Variants in MMP26 observed in about 807,000 individuals in gnomAD.
MMP26 encodes the protein matrix metalloproteinase-26.
MMP26 carries 33 observed loss-of-function variants against 31.0 expected under a neutral mutation model. The ratio of observed to expected loss-of-function variants is 1.06; its 90% CI spans 0.81 to 1.42. The LOEUF (loss-of-function observed/expected upper bound fraction) is 1.42, where lower values mean the gene tolerates loss of function less well. Ranked by LOEUF, MMP26 falls within the 40% of genes most tolerant of loss-of-function variation. The pLI, the probability that MMP26 is intolerant of heterozygous loss-of-function variation, is 0.00. For synonymous variants in MMP26, 122 were observed against 114.9 expected (o/e 1.06, Z -0.40); for missense variants, 347 against 316.1 (o/e 1.10, Z -0.74).
intron 2 of MMP26, among the ~76,000 whole-genome samples, chr11:4,790,080 G>A (rs758120743): frequency 5.3e-5 from 8 of 152,018 alleles, no homozygotes; most frequent in Non-Finnish European, 7.4e-5. Context: ...GGTAGCTCAC[G>A]CCTGTAATCC....
intron 2 of MMP26, chr11:4,923,832 A>C (rs1047402995): frequency 6.2e-7 from 1 of 1,613,972 alleles, no homozygotes; most frequent in African/African-American, 1.3e-5. Flanking sequence ...GAGTGGCAGT[A>C]TTGGAAGCGC....
intron 2 of MMP26, among the ~76,000 whole-genome samples, chr11:4,958,727 G>A (rs1315895883): frequency 6.6e-6 from 1 of 152,030 alleles, no homozygotes; most frequent in Non-Finnish European, 1.5e-5. Flanking sequence ...TGCTATTCCT[G>A]TAGTTACGCC....
At chr11:4,792,778 G>A (rs1849047411) in intron 2 of MMP26, among the ~76,000 whole-genome samples, 1 of 152,172 alleles carries the variant, frequency 6.6e-6, no homozygotes, top group Non-Finnish European at 1.5e-5. Context: ...CCTGAGGTTG[G>A]TCAGAGGTCT....
intron 2 of MMP26, among the ~76,000 whole-genome samples, chr11:4,924,858 G>A (rs1386786188): frequency 1.3e-5 from 2 of 152,168 alleles, no homozygotes; most frequent in Non-Finnish European, 2.9e-5. Flanking sequence ...TTTGCCTGTG[G>A]GGCTGGGATT....
rs1375604082 is a variant in MMP26, at chr11:4,935,017, C to A, written c.-144-53051C>A. 7.3e-5 allele frequency among the ~76,000 whole-genome samples: 11 copies of A among 150,884 alleles called. 2 individuals are homozygous for A. Among genetic ancestry groups the A allele is most frequent in the African/African-American group, 2.7e-4 (11 of 40,938 alleles). On this transcript the variant is annotated intron_variant, in intron 2 of 7. Coordinates refer to ENST00000380390, the MANE Select transcript of MMP26 (RefSeq NM_021801.5). ...TTTGAAGTCAGGTAGTGTGATGCCT[C>A]CAGCTTTGTTCTTTTGGCTTAGGAT...
rs1337810889 is a variant in MMP26 at position 4,717,200 on chromosome 11, T to C, written c.-217+12155T>C. Among the ~76,000 whole-genome samples the C allele has an allele frequency of 2.0e-5, 3 of 152,222 alleles. No homozygotes were observed. The South Asian group carries it at 6.2e-4, about 32-fold the overall frequency. ...TTTTAAATACAGTCTTATTATTTGT[T>C]TGTTTGCACATTTGTTTTCTGAACT... On this transcript the variant is annotated intron_variant, in intron 1 of 7. Coordinates refer to ENST00000380390, the MANE Select transcript of MMP26 (RefSeq NM_021801.5).
In MMP26 at chr11:4,803,852, T is replaced by A. The variant is rs1454564726; in HGVS notation, c.-145+36511T>A. ...ATGTGCTCACAGTATGACTGGGGAA[T>A]GGCTTGGTGTTGGCAGAAGGGCATC... is the stretch of plus-strand genomic sequence containing the variant. On this transcript the variant is annotated intron_variant, in intron 2 of 7. Transcript: ENST00000380390. 3 of 1,612,104 alleles carry A rather than the reference T, an allele frequency of 1.9e-6. No individual in the cohort carries two copies. The highest frequency in any genetic ancestry group is 2.5e-6 in the Non-Finnish European group (3 of 1,179,680).
At chr11:4,963,999 G>A (rs1052883469) in intron 2 of MMP26, among the ~76,000 whole-genome samples, 2 of 151,810 alleles carry the variant, frequency 1.3e-5, no homozygotes, top group African/African-American at 2.4e-5. Flanking sequence ...TCCCATAGAC[G>A]CTGGATATTA....
At chr11:4,987,673 T>A (rs886346716) in intron 2 of MMP26, among the ~76,000 whole-genome samples, 2 of 152,132 alleles carry the variant, frequency 1.3e-5, no homozygotes, top group Admixed American at 1.3e-4. Flanking sequence ...CTCCTCGGCC[T>A]CCCAAAGTGC....
At chr11:4,792,750 A>C (rs564732833) in intron 2 of MMP26, among the ~76,000 whole-genome samples, 1 of 152,178 alleles carries the variant, frequency 6.6e-6, no homozygotes, top group Non-Finnish European at 1.5e-5. Flanking sequence ...AGTTGGGAAA[A>C]CAGTGATCCT....
chr11:4,823,066 GC>G (rs542255657), intron 2 of MMP26, among the ~76,000 whole-genome samples: 9 of 151,802 alleles, frequency 5.9e-5, no homozygotes, highest in Non-Finnish European at 1.0e-4. Flanking sequence ...TGTACTTTTG[GC>G]TCATATTTAT....
At chr11:4,799,250 C>G (rs959148067) in intron 2 of MMP26, among the ~76,000 whole-genome samples, 3 of 152,106 alleles carry the variant, frequency 2.0e-5, no homozygotes, top group African/African-American at 7.2e-5. Flanking sequence ...GCAGACTGTA[C>G]GAGCATGGCA....
intron 1 of MMP26, chr11:4,724,312 G>T (rs566719417): frequency 4.5e-5 from 14 of 314,480 alleles, no homozygotes; most frequent in African/African-American, 2.6e-4. Context: ...ATACTCTTCA[G>T]GGCCTGAAAA....
intron 2 of MMP26, among the ~76,000 whole-genome samples, chr11:4,906,649 T>C (rs1165682829): frequency 2.0e-5 from 3 of 152,224 alleles, no homozygotes; most frequent in Non-Finnish European, 4.4e-5. Flanking sequence ...TTTCAAACTT[T>C]CTACATAAAG....
chr11:4,922,955 TA>T (rs1426263245), intron 2 of MMP26, among the ~76,000 whole-genome samples: 1 of 152,122 alleles, frequency 6.6e-6, no homozygotes, highest in Non-Finnish European at 1.5e-5. Flanking sequence ...TAAAGTAACA[TA>T]AAAATAAATA....
intron 1 of MMP26, among the ~76,000 whole-genome samples, chr11:4,763,066 G>A (rs1848587392): frequency 6.6e-6 from 1 of 152,158 alleles, no homozygotes; most frequent in Admixed American, 6.6e-5. Context: ...TCCATTATAA[G>A]ATTAATCTTA....
intron 2 of MMP26, among the ~76,000 whole-genome samples, chr11:4,846,945 T>C (rs945390491): frequency 6.6e-6 from 1 of 152,200 alleles, no homozygotes; most frequent in East Asian, 1.9e-4. Context: ...ACCCTCTTCA[T>C]CTAGGCTGCT....
intron 2 of MMP26, chr11:4,769,331 G>A (rs201497041): frequency 4.3e-5 from 70 of 1,613,134 alleles, no homozygotes; most frequent in Non-Finnish European, 5.9e-5. Context: ...GATGCTATTT[G>A]CCCGAATGTC....
chr11:4,939,247 A>G (rs1475275308), intron 2 of MMP26, among the ~76,000 whole-genome samples: 1 of 152,146 alleles, frequency 6.6e-6, no homozygotes, highest in African/African-American at 2.4e-5. Flanking sequence ...AATTAGTTGT[A>G]GCTCCAAAAT....
Sources: allele counts gnomAD v4.1 joint callset (sites outside exome capture counted in the v4.1 genomes callset), GRCh38; gene constraint gnomAD v4.1.1; transcripts MANE v1.5; gene names NCBI Gene and HGNC (gene_info 2026-07-23, HGNC 2026-07-21).